Variants in EXOC6B observed in about 807,000 individuals in gnomAD.
The protein encoded by EXOC6B is exocyst complex component 6B.
Under a neutral mutation model 113.5 loss-of-function variants are expected in EXOC6B, and 54 were observed. That is an observed-to-expected ratio of 0.48 (90% CI 0.38 to 0.60). The LOEUF (loss-of-function observed/expected upper bound fraction) is 0.60, where lower values mean the gene tolerates loss of function less well. Among genes scored for constraint, EXOC6B ranks in the 20% least tolerant of loss-of-function variants. The pLI, the probability that EXOC6B is intolerant of heterozygous loss-of-function variation, is 0.00. For missense variants in EXOC6B, 797 were observed against 977.5 expected (o/e 0.82, Z 2.46); for synonymous variants, 357 against 339.0 (o/e 1.05, Z -0.58).
intron 20 of EXOC6B, among the ~76,000 whole-genome samples, chr2:72,188,863 A>G (rs1318214626): frequency 2.0e-5 from 3 of 152,188 alleles, no homozygotes; most frequent in Non-Finnish European, 4.4e-5. Flanking sequence ...AGATCCATCC[A>G]CTGTCAATAT....
intron 2 of EXOC6B, among the ~76,000 whole-genome samples, chr2:72,738,586 C>T (rs1681111573): frequency 6.6e-6 from 1 of 152,174 alleles, no homozygotes; most frequent in African/African-American, 2.4e-5. Context: ...CAAAGAAAAG[C>T]ATTTCAGATA....
chr2:72,723,931 C>G (rs973554158), intron 5 of EXOC6B, among the ~76,000 whole-genome samples: 2 of 152,018 alleles, frequency 1.3e-5, no homozygotes, highest in Non-Finnish European at 2.9e-5. Flanking sequence ...TTAATAATTA[C>G]CAGGATTATC....
chr2:72,682,672 A>C (rs897381505), intron 6 of EXOC6B, among the ~76,000 whole-genome samples: 2 of 152,192 alleles, frequency 1.3e-5, no homozygotes, highest in African/African-American at 4.8e-5. Context: ...CTAGTGACAA[A>C]GTTACTGAGT....
intron 18 of EXOC6B, among the ~76,000 whole-genome samples, chr2:72,427,382 CA>C (rs1483104570): frequency 6.6e-6 from 1 of 152,152 alleles, no homozygotes; most frequent in Non-Finnish European, 1.5e-5. Flanking sequence ...CTCAGGGGCC[CA>C]GGAAGGCCTC....
chr2:72,247,018 C>T (rs1417411548), intron 20 of EXOC6B, among the ~76,000 whole-genome samples: 1 of 152,046 alleles, frequency 6.6e-6, no homozygotes, highest in South Asian at 2.1e-4. Context: ...CAGTTCTTTG[C>T]CTATAGAGGA....
intron 18 of EXOC6B, 184 bp downstream of exon 18, chr2:72,464,976 A>C: frequency 1.7e-6 from 1 of 592,172 alleles, no homozygotes; most frequent in Non-Finnish European, 3.0e-6. Context: ...AAAAATGCAA[A>C]GGTCAATGAA....
intron 15 of EXOC6B, among the ~76,000 whole-genome samples, chr2:72,494,956 T>G (rs1699955183): frequency 6.6e-6 from 1 of 152,128 alleles, no homozygotes; most frequent in African/African-American, 2.4e-5. Context: ...TCCAAAGGAT[T>G]TTATCTGATA....
At chr2:72,568,273 CAAGGAAAAAAACG>C (rs1232690522) in intron 7 of EXOC6B, among the ~76,000 whole-genome samples, 1 of 151,302 alleles carries the variant, frequency 6.6e-6, no homozygotes, top group Non-Finnish European at 1.5e-5. Flanking sequence ...GATGTGGCTG[CAAGGAAAAAAACG>C]AAGGAAAAAA....
intron 20 of EXOC6B, among the ~76,000 whole-genome samples, chr2:72,236,192 T>C (rs1681948411): frequency 6.6e-6 from 1 of 152,192 alleles, no homozygotes; most frequent in South Asian, 2.1e-4. Context: ...AAGTGCATAA[T>C]CCCTTCAGTA....
chr2:72,768,479 C>T (rs1470495015), intron 1 of EXOC6B, among the ~76,000 whole-genome samples: 18 of 151,798 alleles, frequency 1.2e-4, no homozygotes, highest in African/African-American at 2.7e-4. Flanking sequence ...TCTTTCTCCC[C>T]GGCTAATTTT....
chr2:72,516,473 G>A (rs1701219179), intron 8 of EXOC6B, among the ~76,000 whole-genome samples: 1 of 152,020 alleles, frequency 6.6e-6, no homozygotes, highest in South Asian at 2.1e-4. Flanking sequence ...GTCTCGATCT[G>A]TTGATTTTGT....
At chr2:72,209,457 T>C (rs1423065713) in intron 20 of EXOC6B, among the ~76,000 whole-genome samples, 1 of 152,044 alleles carries the variant, frequency 6.6e-6, no homozygotes, top group Non-Finnish European at 1.5e-5. Flanking sequence ...GAGATTGCAG[T>C]GAGCCAAGAT....
chr2:72,258,144 C>A (rs1683467548), intron 20 of EXOC6B, among the ~76,000 whole-genome samples: 2 of 152,078 alleles, frequency 1.3e-5, no homozygotes, highest in Non-Finnish European at 2.9e-5. Context: ...TTTTTAAACT[C>A]TCAGACTAGT....
At position 72,480,180 on chromosome 2, in the gene EXOC6B, G is replaced by A. The variant is rs1407882891; in HGVS notation, c.1800+436C>T. On this transcript the variant is annotated intron_variant, in intron 17 of 21. Coordinates refer to ENST00000272427, the MANE Select transcript of EXOC6B (RefSeq NM_015189.3). ...GATTGCACCACTGCACTCCAGCCTG[G>A]GCAATAGAGCAAGATTTGATTTAAA... is the stretch of plus-strand genomic sequence containing the variant. Among the ~76,000 whole-genome samples the A allele has an allele frequency of 3.3e-5, 5 of 150,206 alleles. No homozygotes were observed. In the East Asian group the frequency reaches 7.8e-4, roughly 23 times the overall value.
In EXOC6B at chr2:72,689,155, T is replaced by G. The variant is rs112452497; in HGVS notation, c.669+28948A>C. Among the ~76,000 whole-genome samples the G allele has an allele frequency of 1.6e-4, 24 of 152,350 alleles. 2 individuals carry two copies. The highest frequency in any genetic ancestry group is 4.8e-4 in the African/African-American group (20 of 41,586). ...TTAGCCCAGAGCAACTGAGCAGAAATGTACGTTACTTTATTTCATGATTGG... is the reference window on the plus strand; with the variant it reads ...TTAGCCCAGAGCAACTGAGCAGAAAGGTACGTTACTTTATTTCATGATTGG... On this transcript the variant is annotated intron_variant, in intron 6 of 21. Coordinates refer to ENST00000272427, the MANE Select transcript of EXOC6B (RefSeq NM_015189.3).
At chr2:72,644,913 G>A (rs543903759) in intron 6 of EXOC6B, among the ~76,000 whole-genome samples, 2 of 152,238 alleles carry the variant, frequency 1.3e-5, no homozygotes, top group South Asian at 4.2e-4. Context: ...ACATCATAAT[G>A]ACAGGATCAA....
At chr2:72,338,129 C>A (rs915662387) in intron 19 of EXOC6B, among the ~76,000 whole-genome samples, 1 of 152,126 alleles carries the variant, frequency 6.6e-6, no homozygotes, top group Non-Finnish European at 1.5e-5. Context: ...CACTTAGTAG[C>A]TCTATGGGCT....
intron 20 of EXOC6B, among the ~76,000 whole-genome samples, chr2:72,223,769 C>T (rs193131874): frequency 6.6e-6 from 1 of 152,252 alleles, no homozygotes; most frequent in East Asian, 1.9e-4. Context: ...AATGCAAACA[C>T]TCAGATGGAC....
intron 20 of EXOC6B, among the ~76,000 whole-genome samples, chr2:72,260,872 T>C (rs1004038243): frequency 3.3e-5 from 5 of 152,296 alleles, no homozygotes; most frequent in African/African-American, 1.2e-4. Flanking sequence ...AAACCATTGA[T>C]TTAGAAATAT....
Sources: allele counts gnomAD v4.1 joint callset (sites outside exome capture counted in the v4.1 genomes callset), GRCh38; gene constraint gnomAD v4.1.1; transcripts MANE v1.5; gene names NCBI Gene and HGNC (gene_info 2026-07-23, HGNC 2026-07-21).